The following PCDHA9 variants were observed in gnomAD, a reference collection of about 807,000 sequenced individuals.
The protein encoded by PCDHA9 is protocadherin alpha-9.
A neutral mutation model predicts 62.0 loss-of-function variants in PCDHA9; 62 were observed. The observed-to-expected ratio is 1.00, with a 90% confidence interval of 0.81 to 1.23. The LOEUF is 1.23. PCDHA9 is among the 50% of genes most tolerant of loss of function. The pLI, the probability that PCDHA9 is intolerant of heterozygous loss-of-function variation, is 0.00. For missense variants in PCDHA9, 1,205 were observed against 1,249.8 expected (o/e 0.96, Z 0.54); for synonymous variants, 557 against 567.6 (o/e 0.98, Z 0.27).
At chr5:140,904,116 T>C (rs1233566335) in intron 1 of PCDHA9, among the ~76,000 whole-genome samples, 3 of 152,180 alleles carry the variant, frequency 2.0e-5, no homozygotes, top group African/African-American at 7.2e-5. Context: ...TTGCTGAGAT[T>C]TTGGTGCACC....
In PCDHA9 at chr5:140,870,962, C is replaced by A. The variant is rs1489353896; in HGVS notation, c.2394+20073C>A. 7 of 1,613,532 alleles carry A rather than the reference C, an allele frequency of 4.3e-6. No individual in the cohort carries two copies. In the Admixed American group the frequency reaches 1.2e-4, roughly 27 times the overall value. On this transcript the variant is annotated intron_variant, in intron 1 of 3. Transcript: ENST00000532602. Reference sequence around the variant, plus strand: ...CCGGCGGCGGGCGGCTCGCGCATCCCGTTCCGCGTGGGGCTGTACACGGGC... The same window carrying A: ...CCGGCGGCGGGCGGCTCGCGCATCCAGTTCCGCGTGGGGCTGTACACGGGC...
intron 1 of PCDHA9, among the ~76,000 whole-genome samples, chr5:140,959,643 G>A (rs246006): frequency 0.56 from 85,684 of 152,026 alleles, 24,754 homozygotes; most frequent in African/African-American, 0.69. Flanking sequence ...AAAAAACACA[G>A]AAGCAAAATT....
At position 140,944,959 on chromosome 5, in the gene PCDHA9, A is replaced by C. The variant is rs183198577; in HGVS notation, c.2395-33990A>C. Among the ~76,000 whole-genome samples, 72 of 152,254 alleles carry C rather than the reference A, an allele frequency of 4.7e-4. No individual in the cohort carries two copies. The East Asian group carries it at 0.012, about 25-fold the overall frequency. ...TTAGATGATTGTGAATAAGAGTATT[A>C]TCTTAACCTCTCTGGTGGGTCTACT... On this transcript the variant is annotated intron_variant, in intron 1 of 3. Coordinates refer to ENST00000532602, the MANE Select transcript of PCDHA9 (RefSeq NM_031857.2).
intron 3 of PCDHA9, among the ~76,000 whole-genome samples, chr5:140,993,758 T>C (rs1205942777): frequency 6.6e-6 from 1 of 152,226 alleles, no homozygotes; most frequent in Non-Finnish European, 1.5e-5. Flanking sequence ...GCCATTATAT[T>C]ACAATTGCGC....
intron 1 of PCDHA9, among the ~76,000 whole-genome samples, chr5:140,938,027 T>C (rs1372788447): frequency 6.6e-6 from 1 of 152,220 alleles, no homozygotes; most frequent in Non-Finnish European, 1.5e-5. Flanking sequence ...TAAAATCTCA[T>C]ATTTTTATAT....
intron 1 of PCDHA9, among the ~76,000 whole-genome samples, chr5:140,878,484 A>G (rs1285844908): frequency 6.6e-6 from 1 of 152,190 alleles, no homozygotes; most frequent in African/African-American, 2.4e-5. Flanking sequence ...CAATTTAAAA[A>G]TATTTAACCA....
At chr5:140,951,098 A>T (rs1480000816) in intron 1 of PCDHA9, among the ~76,000 whole-genome samples, 1 of 151,264 alleles carries the variant, frequency 6.6e-6, no homozygotes, top group African/African-American at 2.4e-5. Flanking sequence ...TTCTGATAAG[A>T]TTTCCTTTAT....
chr5:140,893,112 G>T (rs782797637), intron 1 of PCDHA9, among the ~76,000 whole-genome samples: 5 of 152,148 alleles, frequency 3.3e-5, no homozygotes, highest in Non-Finnish European at 7.3e-5. Flanking sequence ...ATTCCGTTGT[G>T]CATATACACC....
At chr5:140,886,596 G>C (rs1359025262) in intron 1 of PCDHA9, among the ~76,000 whole-genome samples, 1 of 152,008 alleles carries the variant, frequency 6.6e-6, no homozygotes, top group East Asian at 1.9e-4. Context: ...GGGAGGCCAA[G>C]GTGGGCGGAT....
At chr5:140,870,921 T>G (rs2052546739) in intron 1 of PCDHA9, 1 of 1,613,894 alleles carries the variant, frequency 6.2e-7, no homozygotes, top group South Asian at 1.1e-5. Flanking sequence ...ACGCGTGGCT[T>G]TCATATGAAT....
At chr5:140,894,223 T>C (rs2064371572) in intron 1 of PCDHA9, among the ~76,000 whole-genome samples, 1 of 152,124 alleles carries the variant, frequency 6.6e-6, no homozygotes. Context: ...ATTTTAAAGA[T>C]GTTGAATGAC....
chr5:141,002,806 G>T (rs1341419225), intron 3 of PCDHA9, among the ~76,000 whole-genome samples: 1 of 152,162 alleles, frequency 6.6e-6, no homozygotes, highest in Non-Finnish European at 1.5e-5. Context: ...GGAAACTGAG[G>T]CTCAGAGATA....
rs190430510 is a variant in PCDHA9, at chr5:140,858,745, C to G, written c.2394+7856C>G. ...TTCTGACGATTTACTTTCATAATCACTTTTCGTTACAAATATTTGTGAGAT... is the reference window on the plus strand; with the variant it reads ...TTCTGACGATTTACTTTCATAATCAGTTTTCGTTACAAATATTTGTGAGAT... On this transcript the variant is annotated intron_variant, in intron 1 of 3. Coordinates refer to ENST00000532602, the MANE Select transcript of PCDHA9 (RefSeq NM_031857.2). 215 of 461,666 alleles carry G rather than the reference C, an allele frequency of 4.7e-4. 2 individuals are homozygous for G. In the East Asian group the frequency reaches 5.3e-3, roughly 11 times the overall value. The allele number at this position is 461,666 out of a possible 1,614,324, so 28.6% of individuals were successfully genotyped here.
chr5:140,852,094 C>A, intron 1 of PCDHA9: 2 of 907,306 alleles, frequency 2.2e-6, no homozygotes, highest in Non-Finnish European at 2.7e-6. Flanking sequence ...AATATTGTGT[C>A]AGATATTTTA....
chr5:140,928,122 A>G (rs1554205517), intron 1 of PCDHA9: 14 of 1,614,078 alleles, frequency 8.7e-6, no homozygotes, highest in Non-Finnish European at 1.2e-5. Context: ...AGATCAGTGA[A>G]TACCAAGTCC....
chr5:140,927,225 G>A, intron 1 of PCDHA9: 2 of 1,614,112 alleles, frequency 1.2e-6, no homozygotes, highest in South Asian at 2.2e-5. Context: ...ACAAGATTCG[G>A]ATTCACGTCC....
intron 1 of PCDHA9, chr5:140,882,721 A>G: frequency 6.2e-7 from 1 of 1,614,170 alleles, no homozygotes; most frequent in East Asian, 2.2e-5. Context: ...CGGAAACTCG[A>G]TTTCCACTAG....
intron 1 of PCDHA9, among the ~76,000 whole-genome samples, chr5:140,941,550 C>T (rs1489599221): frequency 6.6e-6 from 1 of 151,776 alleles, no homozygotes; most frequent in Non-Finnish European, 1.5e-5. Flanking sequence ...CTCCTGACCT[C>T]GTGATCCATT....
At chr5:140,920,136 C>T (rs1554199437) in intron 1 of PCDHA9, among the ~76,000 whole-genome samples, 1 of 152,182 alleles carries the variant, frequency 6.6e-6, no homozygotes, top group African/African-American at 2.4e-5. Flanking sequence ...TTTAATTCTC[C>T]TCTCCAAACC....
Sources: gnomAD v4.1 joint callset for allele counts (sites outside exome capture counted in the v4.1 genomes callset) on GRCh38, gnomAD v4.1.1 for gene constraint, MANE v1.5 for transcripts, NCBI Gene and HGNC (gene_info 2026-07-23, HGNC 2026-07-21) for gene names.